ERBB4: variants seen among roughly 807,000 people sequenced by gnomAD.
The protein encoded by ERBB4 is erb-b2 receptor tyrosine kinase 4.
A neutral mutation model predicts 158.0 loss-of-function variants in ERBB4; 42 were observed. The ratio of observed to expected loss-of-function variants is 0.27; its 90% CI spans 0.21 to 0.34. The LOEUF (loss-of-function observed/expected upper bound fraction) is 0.34, where lower values mean the gene tolerates loss of function less well. Among genes scored for constraint, ERBB4 ranks in the 10% least tolerant of loss-of-function variants. The pLI is 1.00. For synonymous variants in ERBB4, 583 were observed against 558.7 expected (o/e 1.04, Z -0.61); for missense variants, 1,333 against 1,624.1 (o/e 0.82, Z 3.08).
intron 20 of ERBB4, among the ~76,000 whole-genome samples, chr2:211,527,812 G>C (rs987349266): frequency 6.6e-6 from 1 of 151,928 alleles, no homozygotes; most frequent in South Asian, 2.1e-4. Context: ...ATGATAACAG[G>C]TTATCTGTAA....
At chr2:211,881,285 T>C (rs2106149805) in intron 3 of ERBB4, among the ~76,000 whole-genome samples, 1 of 152,268 alleles carries the variant, frequency 6.6e-6, no homozygotes, top group Non-Finnish European at 1.5e-5. Context: ...ATAAATTATT[T>C]AGGCAGATAG....
intron 1 of ERBB4, among the ~76,000 whole-genome samples, chr2:212,150,612 G>A (rs2125627089): frequency 6.6e-6 from 1 of 152,104 alleles, no homozygotes; most frequent in Non-Finnish European, 1.5e-5. Context: ...AGAATCCAAT[G>A]GGTTAAGAAA....
At chr2:212,296,682 C>T (rs1213353309) in intron 1 of ERBB4, among the ~76,000 whole-genome samples, 1 of 151,860 alleles carries the variant, frequency 6.6e-6, no homozygotes, top group Non-Finnish European at 1.5e-5. Flanking sequence ...CAACTGGCTT[C>T]AATCTGAATG....
intron 3 of ERBB4, among the ~76,000 whole-genome samples, chr2:211,813,897 CA>C (rs1306139504): frequency 1.3e-5 from 2 of 151,692 alleles, no homozygotes; most frequent in Non-Finnish European, 1.5e-5. Context: ...GAGCATTGGA[CA>C]AAAAATAATA....
rs1252133514 is a variant in ERBB4, at chr2:211,580,912, T to C, written c.2302-18824A>G. Reference sequence around the variant, plus strand: ...ATATATATATATATATATATATATATATATGATGGAATACTACTTAGCCAT... The same window carrying C: ...ATATATATATATATATATATATATACATATGATGGAATACTACTTAGCCAT... On this transcript the variant is annotated intron_variant, in intron 19 of 27. Transcript: ENST00000342788. Among the ~76,000 whole-genome samples, 2 of 129,648 alleles carry C rather than the reference T, an allele frequency of 1.5e-5. 1 individual carries two copies. Among genetic ancestry groups the C allele is most frequent in the African/African-American group, 5.9e-5 (2 of 33,626 alleles). The allele number at this position is 129,648 out of a possible 152,430, so 85.1% of individuals were successfully genotyped here.
intron 4 of ERBB4, among the ~76,000 whole-genome samples, chr2:211,757,194 A>C (rs1313432406): frequency 6.6e-6 from 1 of 152,118 alleles, no homozygotes; most frequent in African/African-American, 2.4e-5. Context: ...ATGTGAGTTG[A>C]CTTTACTTTT....
rs544215539 is a variant in ERBB4, at chr2:211,479,820, C to T, written c.2488-48720G>A. 2.6e-5 allele frequency among the ~76,000 whole-genome samples: 4 copies of T among 152,170 alleles called. No individual in the cohort carries two copies. The East Asian group carries it at 7.7e-4, about 29-fold the overall frequency. On this transcript the variant is annotated intron_variant, in intron 20 of 27. Transcript: ENST00000342788. ...TATTTGGACAAAATATTTAACAGCT[C>T]AAATTACAATATGTTATATATGATG...
chr2:212,054,913 G>T (rs574833415), intron 2 of ERBB4, among the ~76,000 whole-genome samples: 1 of 152,308 alleles, frequency 6.6e-6, no homozygotes, highest in Admixed American at 6.5e-5. Flanking sequence ...TCCAAATGAG[G>T]TATCAGGTTC....
intron 1 of ERBB4, among the ~76,000 whole-genome samples, chr2:212,134,899 G>T (rs1441083615): frequency 6.6e-6 from 1 of 152,008 alleles, no homozygotes; most frequent in South Asian, 2.1e-4. Context: ...TGTCAGCTAG[G>T]ATGGTCTCGA....
At chr2:211,742,098 T>C (rs892791527) in intron 5 of ERBB4, among the ~76,000 whole-genome samples, 5 of 152,240 alleles carry the variant, frequency 3.3e-5, no homozygotes, top group African/African-American at 1.2e-4. Context: ...ACAAGGGTTT[T>C]AATTAAAGAT....
intron 2 of ERBB4, among the ~76,000 whole-genome samples, chr2:211,972,754 T>G (rs1383658494): frequency 6.6e-6 from 1 of 152,152 alleles, no homozygotes; most frequent in Non-Finnish European, 1.5e-5. Context: ...ACAAATTTAT[T>G]CAAGATGGAC....
At chr2:211,920,745 A>G (rs1002968958) in intron 3 of ERBB4, among the ~76,000 whole-genome samples, 3 of 148,498 alleles carry the variant, frequency 2.0e-5, no homozygotes, top group Admixed American at 2.0e-4. Flanking sequence ...TCTGGCTGTA[A>G]TTTTGAACTG....
intron 1 of ERBB4, among the ~76,000 whole-genome samples, chr2:212,338,766 T>C (rs2088566493): frequency 6.6e-6 from 1 of 152,114 alleles, no homozygotes; most frequent in Non-Finnish European, 1.5e-5. Flanking sequence ...GAAATAACTC[T>C]TCCCAATTTT....
intron 25 of ERBB4, among the ~76,000 whole-genome samples, chr2:211,413,366 A>T (rs952390193): frequency 1.3e-5 from 2 of 151,034 alleles, no homozygotes; most frequent in African/African-American, 2.4e-5. Flanking sequence ...AAAAAAAAAT[A>T]AAAAAACCAA....
At chr2:212,271,531 T>C (rs1183359489) in intron 1 of ERBB4, among the ~76,000 whole-genome samples, 1 of 151,778 alleles carries the variant, frequency 6.6e-6, no homozygotes, top group Non-Finnish European at 1.5e-5. Context: ...TTCTTACCTA[T>C]TAAAATTAAT....
chr2:212,143,087 A>G (rs1274200072), intron 1 of ERBB4, among the ~76,000 whole-genome samples: 1 of 152,180 alleles, frequency 6.6e-6, no homozygotes, highest in Non-Finnish European at 1.5e-5. Flanking sequence ...AAATTTTCAA[A>G]TCAAATTACA....
At chr2:211,890,784 C>T (rs2078944101) in intron 3 of ERBB4, among the ~76,000 whole-genome samples, 1 of 117,600 alleles carries the variant, frequency 8.5e-6, no homozygotes, top group Non-Finnish European at 1.8e-5. Flanking sequence ...GACTTTAAAC[C>T]AACAAAGATC....
At chr2:212,359,002 T>C (rs1365324517) in intron 1 of ERBB4, among the ~76,000 whole-genome samples, 1 of 151,798 alleles carries the variant, frequency 6.6e-6, no homozygotes, top group Non-Finnish European at 1.5e-5. Flanking sequence ...CTCTGCACAA[T>C]TCATTTAAAA....
intron 3 of ERBB4, among the ~76,000 whole-genome samples, chr2:211,917,036 G>A (rs937489624): frequency 3.9e-5 from 6 of 152,096 alleles, no homozygotes; most frequent in African/African-American, 1.4e-4. Context: ...TTACAACTAG[G>A]GAGGGACCCA....
Sources: allele counts gnomAD v4.1 joint callset (sites outside exome capture counted in the v4.1 genomes callset), GRCh38; gene constraint gnomAD v4.1.1; transcripts MANE v1.5; gene names NCBI Gene and HGNC (gene_info 2026-07-23, HGNC 2026-07-21).